The following GULP1 variants were observed in gnomAD, a reference collection of about 807,000 sequenced individuals.
The protein encoded by GULP1 is GULP PTB domain containing engulfment adaptor 1.
A neutral mutation model predicts 40.9 loss-of-function variants in GULP1; 19 were observed. The ratio of observed to expected loss-of-function variants is 0.46; its 90% CI spans 0.32 to 0.68. The LOEUF (loss-of-function observed/expected upper bound fraction) is 0.68. GULP1 is among the 30% of genes least tolerant of loss of function. GULP1 has a pLI of 0.03. For synonymous variants in GULP1, 119 were observed against 117.6 expected, an observed-to-expected ratio of 1.01 and a Z score of -0.08; for missense variants, 312 against 362.2, an observed-to-expected ratio of 0.86 and a Z score of 1.12.
At chr2:188,352,239 A>G (rs908386676) in intron 1 of GULP1, among the ~76,000 whole-genome samples, 1 of 152,120 alleles carries the variant, frequency 6.6e-6, no homozygotes, top group Non-Finnish European at 1.5e-5. Flanking sequence ...TGCCCTCTCT[A>G]ATGTGGGTGG....
intron 1 of GULP1, among the ~76,000 whole-genome samples, chr2:188,308,484 T>G (rs1470763826): frequency 6.6e-6 from 1 of 152,184 alleles, no homozygotes; most frequent in Non-Finnish European, 1.5e-5. Flanking sequence ...GAGTGTGTGT[T>G]TGTGTGAGAG....
At chr2:188,528,934 AT>A (rs1330330481) in intron 5 of GULP1, among the ~76,000 whole-genome samples, 162 bp from the exon 6 acceptor site, 3 of 152,190 alleles carry the variant, frequency 2.0e-5, no homozygotes, top group African/African-American at 7.2e-5. Context: ...GATTGCTATG[AT>A]TTTTAAATAT....
At chr2:188,404,188 G>T (rs887480272) in intron 2 of GULP1, among the ~76,000 whole-genome samples, 2 of 152,210 alleles carry the variant, frequency 1.3e-5, no homozygotes, top group Admixed American at 6.5e-5. Flanking sequence ...GTTTTTAAAA[G>T]AAACCCTCAA....
intron 2 of GULP1, among the ~76,000 whole-genome samples, chr2:188,435,510 A>T (rs1056022636): frequency 1.3e-5 from 2 of 152,106 alleles, no homozygotes; most frequent in African/African-American, 4.8e-5. Context: ...CCTATGTCTT[A>T]TAACAAATTC....
In GULP1 at chr2:188,530,991, A is replaced by C. The variant is rs553598924; in HGVS notation, c.261+1796A>C. 1.2e-4 allele frequency among the ~76,000 whole-genome samples: 19 copies of C among 152,340 alleles called. No individual in the cohort carries two copies. In the South Asian group the frequency reaches 3.9e-3, roughly 32 times the overall value. On this transcript the variant is annotated intron_variant, in intron 6 of 11. Transcript: ENST00000409830. ...GGAACTTCTGGCCTGTTAACAGATT[A>C]TGAAAAATGTTTCCCACAGGTCTGC...
At chr2:188,480,281 A>G (rs1227329459) in intron 3 of GULP1, among the ~76,000 whole-genome samples, 2 of 152,024 alleles carry the variant, frequency 1.3e-5, no homozygotes, top group Non-Finnish European at 2.9e-5. Flanking sequence ...ACTACCATCA[A>G]CATACCCTGT....
intron 9 of GULP1, among the ~76,000 whole-genome samples, chr2:188,573,900 G>A (rs1699645274): frequency 6.6e-6 from 1 of 152,168 alleles, no homozygotes; most frequent in African/African-American, 2.4e-5. Flanking sequence ...CAACTGACCA[G>A]CCCAAGACAG....
intron 2 of GULP1, among the ~76,000 whole-genome samples, chr2:188,449,896 T>G (rs1489244918): frequency 6.6e-6 from 1 of 152,200 alleles, no homozygotes; most frequent in African/African-American, 2.4e-5. Flanking sequence ...TTTATTCATT[T>G]TTTACTTCAT....
chr2:188,522,620 AAAT>A (rs1433401149), intron 4 of GULP1, 133 bp from the exon 5 acceptor site: 5 of 265,936 alleles, frequency 1.9e-5, no homozygotes, highest in East Asian at 7.5e-5. Context: ...AAATAATATA[AAAT>A]AATAATTCTA....
intron 1 of GULP1, among the ~76,000 whole-genome samples, chr2:188,318,472 A>G (rs1280905773): frequency 6.6e-6 from 1 of 152,138 alleles, no homozygotes; most frequent in East Asian, 1.9e-4. Context: ...AATAAACTCC[A>G]TATATGGAAA....
chr2:188,337,332 G>T (rs570956951), intron 1 of GULP1, among the ~76,000 whole-genome samples: 1 of 151,236 alleles, frequency 6.6e-6, no homozygotes, highest in East Asian at 1.9e-4. Context: ...AGAGATGGGG[G>T]TTTCATCATG....
chr2:188,298,528 G>A (rs189052140), intron 1 of GULP1, among the ~76,000 whole-genome samples: 55 of 152,228 alleles, frequency 3.6e-4, no homozygotes, highest in African/African-American at 1.3e-3. Context: ...TTGTTTTAGA[G>A]TAACAATGGC....
chr2:188,432,422 C>T (rs1007905997), intron 2 of GULP1, among the ~76,000 whole-genome samples: 12 of 151,416 alleles, frequency 7.9e-5, no homozygotes, highest in Admixed American at 3.3e-4. Flanking sequence ...CTGTGACTAT[C>T]GGGTATTTAT....
At position 188,529,202 on chromosome 2, in the gene GULP1, CT is replaced by C. The variant is rs749502331; in HGVS notation, c.261+16del. On this transcript the variant is annotated splice_region_variant and intron_variant, in intron 6 of 11. Coordinates refer to ENST00000409830, the MANE Select transcript of GULP1 (RefSeq NM_016315.4). ...TCTAGAACCCAAAACAAAGGTAAGG[CT>C]TTTTTTTTAATGTTAGAGGCAATCT... is the stretch of plus-strand genomic sequence containing the variant. 2,059 of 1,212,100 alleles carry C rather than the reference CT, an allele frequency of 1.7e-3. No homozygotes were observed. Among genetic ancestry groups the C allele is most frequent in the South Asian group, 2.0e-3 (148 of 72,438 alleles). The allele number at this position is 1,212,100 out of a possible 1,614,324, so 75.1% of individuals were successfully genotyped here.
At chr2:188,546,551 A>T (rs548536676) in intron 7 of GULP1, among the ~76,000 whole-genome samples, 1 of 152,186 alleles carries the variant, frequency 6.6e-6, no homozygotes, top group Non-Finnish European at 1.5e-5. Context: ...CATTTGTGTG[A>T]TATAACTAAA....
intron 2 of GULP1, among the ~76,000 whole-genome samples, chr2:188,415,395 T>C (rs1456586704): frequency 6.6e-6 from 1 of 152,056 alleles, no homozygotes; most frequent in African/African-American, 2.4e-5. Context: ...TATCTGTCTG[T>C]GAAATGTAGC....
chr2:188,429,659 G>A lies in GULP1; in HGVS notation c.-45+45770G>A, dbSNP rs112859232. On this transcript the variant is annotated intron_variant, in intron 2 of 11. Transcript: ENST00000409830. Reference sequence around the variant, plus strand: ...AGCTGGAGAGAATTTTTTAAATGATGTTTAGTCTTTCGGCTAGAGCAGGTA... The same window carrying A: ...AGCTGGAGAGAATTTTTTAAATGATATTTAGTCTTTCGGCTAGAGCAGGTA... 7.2e-3 allele frequency among the ~76,000 whole-genome samples: 1,088 copies of A among 152,122 alleles called. 11 individuals carry two copies. Among genetic ancestry groups the A allele is most frequent in the Non-Finnish European group, 0.012 (793 of 67,984 alleles).
chr2:188,477,159 C>T (rs528255629), intron 2 of GULP1, among the ~76,000 whole-genome samples: 1 of 152,140 alleles, frequency 6.6e-6, no homozygotes, highest in South Asian at 2.1e-4. Flanking sequence ...AAATACTGTG[C>T]CAAGTACTTT....
chr2:188,336,568 A>G (rs1236546791), intron 1 of GULP1, among the ~76,000 whole-genome samples: 1 of 152,198 alleles, frequency 6.6e-6, no homozygotes, highest in Non-Finnish European at 1.5e-5. Context: ...TGAAGCAGAT[A>G]AATGGAAAAA....
Sources: gnomAD v4.1 joint callset for allele counts (sites outside exome capture counted in the v4.1 genomes callset) on GRCh38, gnomAD v4.1.1 for gene constraint, MANE v1.5 for transcripts, NCBI Gene and HGNC (gene_info 2026-07-23, HGNC 2026-07-21) for gene names.